The following YWHAE variants were observed in gnomAD, a reference collection of about 807,000 sequenced individuals.
YWHAE encodes the protein tyrosine 3-monooxygenase/tryptophan 5-monooxygenase activation protein epsilon, also known as 14-3-3 protein epsilon.
YWHAE carries 4 observed loss-of-function variants against 30.1 expected under a neutral mutation model. The observed-to-expected ratio is 0.13, with a 90% confidence interval of 0.07 to 0.30. The LOEUF (loss-of-function observed/expected upper bound fraction) is 0.30. Ranked by LOEUF, YWHAE falls within the 10% of genes least tolerant of loss-of-function variation. YWHAE has a pLI of 1.00. For synonymous variants in YWHAE, 118 were observed against 111.8 expected, an observed-to-expected ratio of 1.06 and a Z score of -0.35; for missense variants, 121 against 315.9, an observed-to-expected ratio of 0.38 and a Z score of 4.68.
At chr17:1,398,341 C>CCCCCT (rs60197897) in intron 1 of YWHAE, among the ~76,000 whole-genome samples, 9 of 148,500 alleles carry the variant, frequency 6.1e-5, no homozygotes, top group Non-Finnish European at 8.9e-5. Context: ...TTATCCCCCC[C>CCCCCT]CCCAACAGGA....
At chr17:1,381,471 T>C (rs1369146361) in intron 1 of YWHAE, among the ~76,000 whole-genome samples, 1 of 152,068 alleles carries the variant, frequency 6.6e-6, no homozygotes, top group African/African-American at 2.4e-5. Context: ...ATTGTGTCAC[T>C]GCACTCCAGC....
At chr17:1,357,772 C>T (rs2072778561) in intron 4 of YWHAE, among the ~76,000 whole-genome samples, 1 of 150,276 alleles carries the variant, frequency 6.7e-6, no homozygotes, top group African/African-American at 2.5e-5. Context: ...CATAAAAATA[C>T]AAAAATTAGC....
chr17:1,396,947 A>G (rs558627564), intron 1 of YWHAE, among the ~76,000 whole-genome samples: 3 of 135,474 alleles, frequency 2.2e-5, no homozygotes, highest in African/African-American at 8.5e-5. Flanking sequence ...TGGAGACAAG[A>G]GTCTCGCTCT....
At chr17:1,383,389 CTTTT>C (rs550620060) in intron 1 of YWHAE, among the ~76,000 whole-genome samples, 37 of 137,814 alleles carry the variant, frequency 2.7e-4, no homozygotes, top group Middle Eastern at 3.6e-3. Context: ...TACTGTTTAA[CTTTT>C]TTTTTTTTTT....
intron 4 of YWHAE, among the ~76,000 whole-genome samples, chr17:1,359,732 G>A (rs572110185): frequency 8.0e-5 from 12 of 150,826 alleles, no homozygotes; most frequent in Non-Finnish European, 1.5e-4. Context: ...GCTATAATTC[G>A]CTTTGTGTGG....
intron 4 of YWHAE, among the ~76,000 whole-genome samples, chr17:1,358,891 T>C (rs1328465800): frequency 6.7e-6 from 1 of 148,206 alleles, no homozygotes; most frequent in Non-Finnish European, 1.5e-5. Flanking sequence ...TCCCAGAACT[T>C]TGGGAGGCCG....
At chr17:1,352,210 TG>T (rs1353038476) in intron 5 of YWHAE, 2 of 152,182 alleles carry the variant, frequency 1.3e-5, no homozygotes, top group Non-Finnish European at 2.9e-5. Context: ...CTGGCACTGT[TG>T]CAAGTGTGTA....
intron 1 of YWHAE, among the ~76,000 whole-genome samples, chr17:1,386,198 A>C (rs2073298193): frequency 6.6e-6 from 1 of 152,232 alleles, no homozygotes; most frequent in Admixed American, 6.5e-5. Context: ...GAAACACTTT[A>C]AAGAGGTTTT....
chr17:1,349,013 A>G (rs773514108), intron 5 of YWHAE, among the ~76,000 whole-genome samples: 4 of 150,640 alleles, frequency 2.7e-5, no homozygotes, highest in Non-Finnish European at 4.4e-5. Flanking sequence ...GTGACAAAGC[A>G]AGACTCTGTC....
chr17:1,358,389 G>A (rs949586973), intron 4 of YWHAE, among the ~76,000 whole-genome samples: 11 of 152,132 alleles, frequency 7.2e-5, no homozygotes, highest in African/African-American at 2.2e-4. Flanking sequence ...ACAGGCGCCC[G>A]CCACCACGCC....
At chr17:1,363,701 G>A (rs1268592700) in intron 2 of YWHAE, among the ~76,000 whole-genome samples, 2 of 152,166 alleles carry the variant, frequency 1.3e-5, no homozygotes, top group African/African-American at 4.8e-5. Context: ...ACAAATACAT[G>A]TAACAAAAAT....
intron 1 of YWHAE, among the ~76,000 whole-genome samples, chr17:1,394,461 A>AAAAAAAAAAAAAAAC (rs2073436784): frequency 7.7e-6 from 1 of 130,530 alleles, no homozygotes; most frequent in African/African-American, 2.9e-5. Context: ...AAAAAAAAAA[A>AAAAAAAAAAAAAAAC]CACAAAAATT....
chr17:1,382,516 C>T (rs1455731793), intron 1 of YWHAE, among the ~76,000 whole-genome samples: 5 of 151,126 alleles, frequency 3.3e-5, no homozygotes, highest in Non-Finnish European at 5.9e-5. Context: ...ACCACCAGGC[C>T]AGGCTAATTT....
chr17:1,386,509 GTATT>G, intron 1 of YWHAE, among the ~76,000 whole-genome samples: 1 of 152,346 alleles, frequency 6.6e-6, no homozygotes, highest in African/African-American at 2.4e-5. Flanking sequence ...CATTCAGTAA[GTATT>G]TGTCAAATGA....
chr17:1,357,390 G>A lies in YWHAE; in HGVS notation c.579-3043C>T, dbSNP rs570994862. Among the ~76,000 whole-genome samples, 173 of 124,082 alleles carry A rather than the reference G, an allele frequency of 1.4e-3. 1 individual carries two copies. Among genetic ancestry groups the A allele is most frequent in the African/African-American group, 5.0e-3 (153 of 30,740 alleles). 81.4% of individuals were successfully genotyped at this position (124,082 alleles called of 152,430 possible). On this transcript the variant is annotated intron_variant, in intron 4 of 5. Coordinates refer to ENST00000264335, the MANE Select transcript of YWHAE (RefSeq NM_006761.5). ...TGCACTCCAGCCTGGGGGACATAGC[G>A]AGACTCCGTCTCAAAAAAAAAAAAA...
intron 1 of YWHAE, among the ~76,000 whole-genome samples, chr17:1,394,614 A>AT (rs1042877633): frequency 6.6e-6 from 1 of 151,356 alleles, no homozygotes; most frequent in Non-Finnish European, 1.5e-5. Flanking sequence ...TCAAAAAAAA[A>AT]TTTTTTTTTA....
chr17:1,389,853 C>A (rs530964156), intron 1 of YWHAE, among the ~76,000 whole-genome samples: 10 of 145,790 alleles, frequency 6.9e-5, no homozygotes, highest in Admixed American at 6.2e-4. Flanking sequence ...TTCTTTCTTT[C>A]TTTTTTTGAG....
intron 5 of YWHAE, among the ~76,000 whole-genome samples, chr17:1,352,629 A>C (rs1177035452): frequency 6.6e-6 from 1 of 151,728 alleles, no homozygotes; most frequent in Non-Finnish European, 1.5e-5. Context: ...GGGTTTAAGC[A>C]ATTCTCCGGC....
rs1468773408 is a variant in YWHAE, at chr17:1,398,295, A to G, written c.64+1752T>C. Among the ~76,000 whole-genome samples the G allele has an allele frequency of 5.3e-5, 8 of 151,778 alleles. No individual in the cohort carries two copies. In the East Asian group the frequency reaches 1.5e-3, roughly 29 times the overall value. On this transcript the variant is annotated intron_variant, in intron 1 of 5. Transcript: ENST00000264335. Reference sequence around the variant, plus strand: ...CTCTTTGATTTTTAAACACTGAAATAAAGACAAAGCAGACCTTGAGCTGTA... The same window carrying G: ...CTCTTTGATTTTTAAACACTGAAATGAAGACAAAGCAGACCTTGAGCTGTA...
Sources: gnomAD v4.1 joint callset for allele counts (sites outside exome capture counted in the v4.1 genomes callset) on GRCh38, gnomAD v4.1.1 for gene constraint, MANE v1.5 for transcripts, NCBI Gene and HGNC (gene_info 2026-07-23, HGNC 2026-07-21) for gene names.